ANKS1B: variants seen among roughly 807,000 people sequenced by gnomAD.
The protein encoded by ANKS1B is ankyrin repeat and sterile alpha motif domain containing 1B.
In ANKS1B, 36 loss-of-function variants were observed where a neutral mutation model predicts 148.3. That is an observed-to-expected ratio of 0.24 (90% CI 0.19 to 0.32). The LOEUF (loss-of-function observed/expected upper bound fraction) is 0.32. Ranked by LOEUF, ANKS1B falls within the 10% of genes least tolerant of loss-of-function variation. The probability of loss-of-function intolerance (pLI) is 1.00; values close to 1 mark genes in which losing one functional copy is unlikely to be tolerated. For synonymous variants in ANKS1B, 542 were observed against 560.8 expected (o/e 0.97, Z 0.47); for missense variants, 1,157 against 1,542.6 (o/e 0.75, Z 4.19).
chr12:98,901,854 C>T (rs1007375673), intron 17 of ANKS1B, among the ~76,000 whole-genome samples: 2 of 152,058 alleles, frequency 1.3e-5, no homozygotes, highest in African/African-American at 2.4e-5. Flanking sequence ...ACAGAAGCAG[C>T]GTGGCTCTTC....
At chr12:99,644,210 A>G (rs2098337340) in intron 9 of ANKS1B, among the ~76,000 whole-genome samples, 1 of 152,186 alleles carries the variant, frequency 6.6e-6, no homozygotes, top group Admixed American at 6.5e-5. Context: ...ATCTGCTATT[A>G]TATAGCAAGT....
chr12:99,179,767 T>G (rs1342061812), intron 14 of ANKS1B, among the ~76,000 whole-genome samples: 1 of 152,196 alleles, frequency 6.6e-6, no homozygotes, highest in African/African-American at 2.4e-5. Context: ...TGTTGACAGA[T>G]TAAATGTGAT....
At chr12:99,843,338 C>CAGAT (rs2086079355) in intron 1 of ANKS1B, among the ~76,000 whole-genome samples, 1 of 152,084 alleles carries the variant, frequency 6.6e-6, no homozygotes, top group African/African-American at 2.4e-5. Flanking sequence ...GCTAGCTGCA[C>CAGAT]AGATCATCCC....
At chr12:98,839,922 C>CA (rs2099396221) in intron 17 of ANKS1B, among the ~76,000 whole-genome samples, 1 of 151,928 alleles carries the variant, frequency 6.6e-6, no homozygotes, top group African/African-American at 2.4e-5. Flanking sequence ...AGCTAACTCT[C>CA]TTTTTTTTGC....
Position 99,984,609 on chromosome 12 carries a change from G to C in ANKS1B, c.-372C>G, listed in dbSNP as rs1050763565. The C allele has an allele frequency of 5.8e-6, 1 of 172,684 alleles. No individual in the cohort carries two copies. The highest frequency in any genetic ancestry group is 6.1e-5 in the Admixed American group (1 of 16,298). 10.7% of individuals were successfully genotyped at this position (172,684 alleles called of 1,614,324 possible). ...GGTGGTGAGGACTGAGGTCGGAGGA[G>C]GAGGAGGAGGCGGCAGAGAGAGTCC... is the stretch of plus-strand genomic sequence containing the variant. On this transcript the variant is annotated 5_prime_UTR_variant, in exon 1 of 27. Coordinates refer to ENST00000683438, the MANE Select transcript of ANKS1B (RefSeq NM_001352186.2).
chr12:99,366,603 G>C (rs1390329710), intron 12 of ANKS1B, among the ~76,000 whole-genome samples: 1 of 152,130 alleles, frequency 6.6e-6, no homozygotes, highest in East Asian at 1.9e-4. Context: ...TGGGAGGAAA[G>C]ATGATCTTTA....
At chr12:99,738,926 C>T (rs1601071691) in intron 8 of ANKS1B, among the ~76,000 whole-genome samples, 1 of 152,086 alleles carries the variant, frequency 6.6e-6, no homozygotes, top group African/African-American at 2.4e-5. Context: ...ACATTTGATA[C>T]CAACTCACTG....
At chr12:99,894,325 G>A (rs1259626920) in intron 1 of ANKS1B, among the ~76,000 whole-genome samples, 16 of 80,398 alleles carry the variant, frequency 2.0e-4, no homozygotes, top group South Asian at 4.5e-4. Flanking sequence ...GGGAGGGAGG[G>A]AGGGAAAGAA....
exon 10 of ANKS1B, chr12:98,735,604 C>T (rs761786811): frequency 1.0e-5 from 8 of 775,054 alleles, no homozygotes; most frequent in Admixed American, 6.8e-5. Flanking sequence ...TCTGATGGTT[C>T]CTGCCCGGTA....
At chr12:98,872,168 C>G (rs2099672332) in intron 17 of ANKS1B, among the ~76,000 whole-genome samples, 1 of 152,196 alleles carries the variant, frequency 6.6e-6, no homozygotes. Context: ...TGAATTGCAT[C>G]TCCCCAAATT....
chr12:98,929,559 A>G (rs2099811935), intron 17 of ANKS1B, among the ~76,000 whole-genome samples: 1 of 152,100 alleles, frequency 6.6e-6, no homozygotes, highest in Non-Finnish European at 1.5e-5. Context: ...AAGACAGTAT[A>G]AAGCATAAGA....
At chr12:99,570,251 C>A (rs1242354856) in intron 9 of ANKS1B, among the ~76,000 whole-genome samples, 1 of 151,826 alleles carries the variant, frequency 6.6e-6, no homozygotes, top group Non-Finnish European at 1.5e-5. Flanking sequence ...TTGCTTATGT[C>A]ACAATTGAGG....
intron 1 of ANKS1B, among the ~76,000 whole-genome samples, chr12:99,940,165 C>A (rs980427933): frequency 6.6e-6 from 1 of 152,108 alleles, no homozygotes; most frequent in Admixed American, 6.6e-5. Flanking sequence ...CTTGATTATA[C>A]GCCCAGAGAT....
At chr12:99,799,450 T>C (rs945446760) in intron 4 of ANKS1B, among the ~76,000 whole-genome samples, 1 of 152,104 alleles carries the variant, frequency 6.6e-6, no homozygotes, top group African/African-American at 2.4e-5. Context: ...ATTATAGCAC[T>C]CACTGCAATT....
At chr12:99,631,460 G>T (rs547951908) in intron 9 of ANKS1B, among the ~76,000 whole-genome samples, 1 of 152,300 alleles carries the variant, frequency 6.6e-6, no homozygotes, top group Non-Finnish European at 1.5e-5. Flanking sequence ...TAGAAGACAA[G>T]ACAACTAGGG....
chr12:99,647,207 C>T (rs546631821), intron 9 of ANKS1B, among the ~76,000 whole-genome samples: 2 of 151,856 alleles, frequency 1.3e-5, no homozygotes, highest in Non-Finnish European at 2.9e-5. Flanking sequence ...TTCTCTTATT[C>T]TTTAAGAAAA....
chr12:99,325,270 T>C (rs997123282), intron 12 of ANKS1B, among the ~76,000 whole-genome samples: 8 of 152,122 alleles, frequency 5.3e-5, no homozygotes, highest in Non-Finnish European at 1.2e-4. Context: ...CACAGCAACA[T>C]GAATCCTGCT....
intron 17 of ANKS1B, among the ~76,000 whole-genome samples, chr12:98,862,873 T>C (rs777609770): frequency 6.6e-6 from 1 of 152,192 alleles, no homozygotes; most frequent in Non-Finnish European, 1.5e-5. Context: ...AGCATTTTGA[T>C]AGGGATATTT....
At chr12:99,838,613 G>T (rs866160489) in intron 1 of ANKS1B, among the ~76,000 whole-genome samples, 29 of 151,844 alleles carry the variant, frequency 1.9e-4, no homozygotes, top group Admixed American at 7.9e-4. Flanking sequence ...GGTGTACTTT[G>T]CCTGGCCATA....
Sources: gnomAD v4.1 joint callset for allele counts (sites outside exome capture counted in the v4.1 genomes callset) on GRCh38, gnomAD v4.1.1 for gene constraint, MANE v1.5 for transcripts, NCBI Gene and HGNC (gene_info 2026-07-23, HGNC 2026-07-21) for gene names.